CCDC91: variants seen among roughly 807,000 people sequenced by gnomAD.
CCDC91 encodes the protein coiled-coil domain-containing protein 91.
Under a neutral mutation model 63.2 loss-of-function variants are expected in CCDC91, and 48 were observed. The ratio of observed to expected loss-of-function variants is 0.76; its 90% CI spans 0.60 to 0.97. The LOEUF (loss-of-function observed/expected upper bound fraction) is 0.97, where lower values mean the gene tolerates loss of function less well. CCDC91 is among the 50% of genes least tolerant of loss of function. The probability of loss-of-function intolerance (pLI) is 0.00; values close to 1 mark genes in which losing one functional copy is unlikely to be tolerated. For missense variants in CCDC91, 500 were observed against 494.6 expected, an observed-to-expected ratio of 1.01 and a Z score of -0.10; for synonymous variants, 167 against 165.8, an observed-to-expected ratio of 1.01 and a Z score of -0.06.
At chr12:28,520,177 A>G (rs559035713) in intron 12 of CCDC91, among the ~76,000 whole-genome samples, 12 of 152,332 alleles carry the variant, frequency 7.9e-5, no homozygotes, top group African/African-American at 2.9e-4. Context: ...ACTAGTTTAC[A>G]GTCCCACCAA....
chr12:28,261,892 GA>G (rs1946844979), intron 3 of CCDC91, among the ~76,000 whole-genome samples: 1 of 151,746 alleles, frequency 6.6e-6, no homozygotes, highest in Non-Finnish European at 1.5e-5. Context: ...TGAAAAATTA[GA>G]TCTGAAGAAT....
chr12:28,512,850 T>G (rs1048325764), intron 12 of CCDC91, among the ~76,000 whole-genome samples: 2 of 151,896 alleles, frequency 1.3e-5, no homozygotes, highest in Non-Finnish European at 2.9e-5. Flanking sequence ...TGGTCATTGG[T>G]TAGGAAATAA....
chr12:28,258,594 A>G (rs960641612), intron 2 of CCDC91, among the ~76,000 whole-genome samples: 13 of 152,024 alleles, frequency 8.6e-5, no homozygotes, highest in African/African-American at 3.1e-4. Flanking sequence ...ACCCTTGGTT[A>G]TATAAAATAT....
At chr12:28,280,665 G>C (rs1363663135) in intron 3 of CCDC91, among the ~76,000 whole-genome samples, 1 of 151,972 alleles carries the variant, frequency 6.6e-6, no homozygotes, top group East Asian at 1.9e-4. Flanking sequence ...TGATTAGTGA[G>C]TTACTAAACC....
intron 8 of CCDC91, among the ~76,000 whole-genome samples, chr12:28,440,777 G>A (rs1314490024): frequency 6.6e-6 from 1 of 151,962 alleles, no homozygotes; most frequent in African/African-American, 2.4e-5. Context: ...AAAATTTAGA[G>A]GCTGGGAGCA....
chr12:28,306,026 C>G (rs1286472890), intron 4 of CCDC91, among the ~76,000 whole-genome samples: 1 of 151,882 alleles, frequency 6.6e-6, no homozygotes, highest in Non-Finnish European at 1.5e-5. Context: ...CCTTAGTTAC[C>G]AAAGTATGAT....
intron 11 of CCDC91, among the ~76,000 whole-genome samples, chr12:28,454,925 G>T (rs1246189928): frequency 1.3e-5 from 2 of 152,038 alleles, no homozygotes. Flanking sequence ...GGGTATTTGT[G>T]CATGCGTCGT....
At chr12:28,214,372 A>C (rs1565621240) in intron 1 of CCDC91, among the ~76,000 whole-genome samples, 1 of 152,068 alleles carries the variant, frequency 6.6e-6, no homozygotes, top group East Asian at 1.9e-4. Context: ...ACCCAACCCA[A>C]CCCAAGCAGG....
chr12:28,246,739 A>C (rs548341997), intron 1 of CCDC91, among the ~76,000 whole-genome samples: 5 of 152,334 alleles, frequency 3.3e-5, no homozygotes, highest in African/African-American at 1.2e-4. Flanking sequence ...CAAGCCACAA[A>C]GATGGTCACT....
At chr12:28,376,481 C>T (rs552122920) in intron 7 of CCDC91, among the ~76,000 whole-genome samples, 1 of 151,248 alleles carries the variant, frequency 6.6e-6, no homozygotes, top group Non-Finnish European at 1.5e-5. Context: ...TTAAAAAAAA[C>T]AAAAACTTAT....
chr12:28,346,394 A>G (rs1301995652), intron 6 of CCDC91, among the ~76,000 whole-genome samples: 2 of 152,036 alleles, frequency 1.3e-5, no homozygotes, highest in African/African-American at 4.8e-5. Flanking sequence ...GCCAAGTACT[A>G]CTCTAAGCAT....
intron 7 of CCDC91, among the ~76,000 whole-genome samples, chr12:28,363,540 T>G (rs1292742354): frequency 3.3e-5 from 5 of 152,076 alleles, no homozygotes; most frequent in Admixed American, 2.6e-4. Context: ...TCACTAGACT[T>G]GTTAGAAGTT....
At chr12:28,303,561 G>A (rs968764777) in intron 3 of CCDC91, among the ~76,000 whole-genome samples, 4 of 152,076 alleles carry the variant, frequency 2.6e-5, no homozygotes. Context: ...ATAGGTGTTA[G>A]ATCAGAATGA....
intron 1 of CCDC91, among the ~76,000 whole-genome samples, chr12:28,237,266 A>ACACACACACACACACG (rs1555163661): frequency 6.6e-6 from 1 of 150,808 alleles, no homozygotes; most frequent in Non-Finnish European, 1.5e-5. Context: ...ACACACACAC[A>ACACACACACACACACG]TTTTTTAAAA....
chr12:28,203,430 T>C (rs1159933991), intron 1 of CCDC91, among the ~76,000 whole-genome samples: 1 of 152,216 alleles, frequency 6.6e-6, no homozygotes, highest in Non-Finnish European at 1.5e-5. Context: ...ATCCCAATTA[T>C]ACTTATATTC....
chr12:28,500,722 T>C (rs1937714891), intron 12 of CCDC91, among the ~76,000 whole-genome samples: 1 of 151,714 alleles, frequency 6.6e-6, no homozygotes, highest in Non-Finnish European at 1.5e-5. Flanking sequence ...AGTATGTATT[T>C]ACTGTATAAA....
intron 8 of CCDC91, among the ~76,000 whole-genome samples, chr12:28,422,374 G>A (rs372515141): frequency 6.6e-6 from 1 of 151,816 alleles, no homozygotes; most frequent in Non-Finnish European, 1.5e-5. Flanking sequence ...GTAATTAATG[G>A]CATTTAATAC....
intron 6 of CCDC91, among the ~76,000 whole-genome samples, chr12:28,361,024 G>T (rs1943843269): frequency 6.6e-6 from 1 of 151,168 alleles, no homozygotes; most frequent in African/African-American, 2.4e-5. Context: ...AAAATTTTAT[G>T]TAAAATGTTA....
At chr12:28,497,446 A>G (rs1218875867) in intron 12 of CCDC91, among the ~76,000 whole-genome samples, 14 of 151,594 alleles carry the variant, frequency 9.2e-5, no homozygotes, top group Non-Finnish European at 1.0e-4. Flanking sequence ...ACAGGTTCTT[A>G]TCACATCTTT....
Sources: allele counts gnomAD v4.1 joint callset (sites outside exome capture counted in the v4.1 genomes callset), GRCh38; gene constraint gnomAD v4.1.1; transcripts MANE v1.5; gene names NCBI Gene and HGNC (gene_info 2026-07-23, HGNC 2026-07-21).